The following NDST3 variants were observed in gnomAD, a reference collection of about 807,000 sequenced individuals.
NDST3 encodes the protein bifunctional heparan sulfate N-deacetylase/N-sulfotransferase 3.
Under a neutral mutation model 96.1 loss-of-function variants are expected in NDST3, and 58 were observed. The observed-to-expected ratio is 0.60, with a 90% confidence interval of 0.49 to 0.75. The LOEUF is 0.75. Ranked by LOEUF, NDST3 falls within the 30% of genes least tolerant of loss-of-function variation. NDST3 has a pLI of 0.00. For missense variants in NDST3, 788 were observed against 1,034.2 expected, an observed-to-expected ratio of 0.76 and a Z score of 3.27; for synonymous variants, 333 against 359.7, an observed-to-expected ratio of 0.93 and a Z score of 0.84.
At chr4:118,246,128 G>A (rs1456253879) in intron 12 of NDST3, among the ~76,000 whole-genome samples, 1 of 152,142 alleles carries the variant, frequency 6.6e-6, no homozygotes, top group African/African-American at 2.4e-5. Context: ...CCATTTCCAG[G>A]TGCACTGGAT....
intron 6 of NDST3, among the ~76,000 whole-genome samples, chr4:118,219,437 G>A (rs145029737): frequency 4.1e-4 from 62 of 152,148 alleles, no homozygotes; most frequent in Admixed American, 3.9e-3. Context: ...ACAAACAATG[G>A]GGAAAGGATT....
chr4:118,213,636 T>C (rs904827013), intron 6 of NDST3, among the ~76,000 whole-genome samples: 3 of 151,144 alleles, frequency 2.0e-5, no homozygotes, highest in Non-Finnish European at 4.4e-5. Context: ...TAAAGATATA[T>C]TGCTAAGCAG....
chr4:118,152,423 G>A (rs1305538380), intron 6 of NDST3, among the ~76,000 whole-genome samples: 1 of 152,116 alleles, frequency 6.6e-6, no homozygotes, highest in Non-Finnish European at 1.5e-5. Flanking sequence ...TGAGACCAAG[G>A]TAGCTGTAAG....
rs539959209 is a variant in NDST3, at chr4:118,173,430, T to C, written c.1539+29746T>C. Among the ~76,000 whole-genome samples, 21 of 152,142 alleles carry C rather than the reference T, an allele frequency of 1.4e-4. No homozygotes were observed. In the East Asian group the frequency reaches 4.1e-3, roughly 29 times the overall value. ...TCACACTTCTTAGTCTGGTTTCTTA[T>C]CCTAAGGGATGTAGTATACACAAAC... On this transcript the variant is annotated intron_variant, in intron 6 of 13. Coordinates refer to ENST00000296499, the MANE Select transcript of NDST3 (RefSeq NM_004784.3).
chr4:118,035,181 C>T (rs941595837), intron 1 of NDST3, among the ~76,000 whole-genome samples: 5 of 152,108 alleles, frequency 3.3e-5, no homozygotes, highest in Admixed American at 1.3e-4. Context: ...AAGGGGTTTA[C>T]TCAGATCCTT....
intron 2 of NDST3, among the ~76,000 whole-genome samples, chr4:118,073,440 T>C (rs930814847): frequency 6.6e-6 from 1 of 152,122 alleles, no homozygotes; most frequent in African/African-American, 2.4e-5. Context: ...TTCTTCCTGG[T>C]TGAATTTTGG....
intron 3 of NDST3, among the ~76,000 whole-genome samples, chr4:118,109,585 G>A (rs1730476935): frequency 6.6e-6 from 1 of 152,168 alleles, no homozygotes; most frequent in Non-Finnish European, 1.5e-5. Context: ...GCCAAGGTTT[G>A]AAAGGGTCTT....
intron 6 of NDST3, among the ~76,000 whole-genome samples, chr4:118,197,735 G>A (rs576714697): frequency 6.7e-6 from 1 of 150,246 alleles, no homozygotes; most frequent in South Asian, 2.1e-4. Context: ...ACAGATCATT[G>A]GGTCTCAGTT....
chr4:118,041,444 T>A (rs1724461231), intron 1 of NDST3, among the ~76,000 whole-genome samples: 2 of 152,228 alleles, frequency 1.3e-5, no homozygotes, highest in South Asian at 4.1e-4. Context: ...TTATAACTGA[T>A]CCAACTTTGT....
At chr4:118,103,532 T>C (rs1729931060) in intron 2 of NDST3, among the ~76,000 whole-genome samples, 1 of 152,196 alleles carries the variant, frequency 6.6e-6, no homozygotes, top group Admixed American at 6.5e-5. Context: ...TGTATATGTA[T>C]ACTATATATC....
chr4:118,060,911 T>A (rs546664535), intron 2 of NDST3, among the ~76,000 whole-genome samples: 1 of 152,270 alleles, frequency 6.6e-6, no homozygotes, highest in Non-Finnish European at 1.5e-5. Flanking sequence ...GGCACTGTTG[T>A]TTTTACTACC....
At chr4:118,040,883 T>A (rs13110642) in intron 1 of NDST3, among the ~76,000 whole-genome samples, 7 of 141,894 alleles carry the variant, frequency 4.9e-5, no homozygotes, top group African/African-American at 1.0e-4. Context: ...ATATATATAT[T>A]TATATATATA....
chr4:118,170,934 T>G (rs1313905773), intron 6 of NDST3, among the ~76,000 whole-genome samples: 2 of 152,020 alleles, frequency 1.3e-5, no homozygotes, highest in Admixed American at 1.3e-4. Context: ...CTCTTCGGAG[T>G]AGAAGGCAGG....
At chr4:118,228,237 T>C (rs1411187975) in intron 8 of NDST3, among the ~76,000 whole-genome samples, 1 of 152,234 alleles carries the variant, frequency 6.6e-6, no homozygotes, top group Non-Finnish European at 1.5e-5. Context: ...TGTCCTTATT[T>C]ATTTCACTTG....
At chr4:118,239,565 A>T (rs2126005479) in intron 10 of NDST3, among the ~76,000 whole-genome samples, 1 of 152,312 alleles carries the variant, frequency 6.6e-6, no homozygotes, top group South Asian at 2.1e-4. Context: ...AATAAGCCTT[A>T]ATTGACTCCA....
chr4:118,185,717 C>T (rs10024548), intron 6 of NDST3, among the ~76,000 whole-genome samples: 1,814 of 152,202 alleles, frequency 0.012, 32 homozygotes, highest in African/African-American at 0.041. Flanking sequence ...TGGTTGGTTA[C>T]AGTTCAGCAT....
chr4:118,194,617 C>T (rs1367420244), intron 6 of NDST3: 1 of 717,008 alleles, frequency 1.4e-6, no homozygotes, highest in Non-Finnish European at 2.6e-6. Flanking sequence ...CAATCATGGG[C>T]ATCTCTGTAC....
chr4:118,172,044 T>C (rs543529439), intron 6 of NDST3, among the ~76,000 whole-genome samples: 1 of 152,270 alleles, frequency 6.6e-6, no homozygotes, highest in South Asian at 2.1e-4. Context: ...TATGAGAAAT[T>C]GGTTATTTAG....
intron 2 of NDST3, among the ~76,000 whole-genome samples, chr4:118,096,998 T>C (rs908828985): frequency 6.6e-6 from 1 of 151,954 alleles, no homozygotes; most frequent in Non-Finnish European, 1.5e-5. Context: ...ACTTGCAAAA[T>C]AGTCAGTCTT....
Sources: gnomAD v4.1 joint callset for allele counts (sites outside exome capture counted in the v4.1 genomes callset) on GRCh38, gnomAD v4.1.1 for gene constraint, MANE v1.5 for transcripts, NCBI Gene and HGNC (gene_info 2026-07-23, HGNC 2026-07-21) for gene names.